The following ZBBX variants were observed in gnomAD, a reference collection of about 807,000 sequenced individuals.
ZBBX encodes the protein zinc finger B-box domain containing, also known as zinc finger B-box domain-containing protein 1.
Under a neutral mutation model 108.5 loss-of-function variants are expected in ZBBX, and 101 were observed. The observed-to-expected ratio is 0.93, with a 90% CI of 0.79 to 1.10. The LOEUF (loss-of-function observed/expected upper bound fraction) is 1.10. Ranked by LOEUF, ZBBX falls within the 50% of genes least tolerant of loss-of-function variation. The probability of loss-of-function intolerance (pLI) is 0.00; values close to 1 mark genes in which losing one functional copy is unlikely to be tolerated. For synonymous variants in ZBBX, 356 were observed against 323.4 expected (o/e 1.10, Z -1.08); for missense variants, 1,009 against 941.4 (o/e 1.07, Z -0.94).
At chr3:167,249,782 TG>T (rs1163245797) in intron 20 of ZBBX, among the ~76,000 whole-genome samples, 4 of 152,172 alleles carry the variant, frequency 2.6e-5, no homozygotes, top group Non-Finnish European at 5.9e-5. Flanking sequence ...CGGAGAGATT[TG>T]GGGATAAGCT....
the ZBBX span, among the ~76,000 whole-genome samples, chr3:167,228,983 C>T: frequency 6.6e-6 from 1 of 151,786 alleles, no homozygotes; most frequent in Non-Finnish European, 1.5e-5. Context: ...TTGCTTCCTG[C>T]TCCTATAGAA....
intron 1 of ZBBX, among the ~76,000 whole-genome samples, chr3:167,401,037 C>A (rs561815023): frequency 6.6e-6 from 1 of 152,106 alleles, no homozygotes; most frequent in South Asian, 2.1e-4. Context: ...TTTCACAACA[C>A]AATCTACCAC....
intron 8 of ZBBX, among the ~76,000 whole-genome samples, chr3:167,353,873 C>T (rs5011700): frequency 0.83 from 125,267 of 151,782 alleles, 51,815 homozygotes; most frequent in East Asian, 0.93. Flanking sequence ...AAGCTTAAAC[C>T]CTTAACCACA....
chr3:167,247,428 C>T (rs1339167871), intron 20 of ZBBX, among the ~76,000 whole-genome samples: 1 of 152,166 alleles, frequency 6.6e-6, no homozygotes, highest in Non-Finnish European at 1.5e-5. Flanking sequence ...CGGAGAGCTA[C>T]TTCCACTCAA....
intron 21 of ZBBX, 77 bp downstream of exon 21, chr3:167,242,428 A>G: frequency 8.2e-7 from 1 of 1,220,584 alleles, no homozygotes; most frequent in Non-Finnish European, 1.1e-6. Flanking sequence ...TTCTATATAT[A>G]ATAAAGATAA....
At chr3:167,267,421 C>T (rs940859547) in intron 20 of ZBBX, among the ~76,000 whole-genome samples, 1 of 152,056 alleles carries the variant, frequency 6.6e-6, no homozygotes, top group Admixed American at 6.6e-5. Context: ...TAACTAGGAC[C>T]CAACATGGGA....
intron 20 of ZBBX, chr3:167,248,692 C>A (rs1424534029): frequency 4.4e-6 from 2 of 456,316 alleles, no homozygotes; most frequent in Admixed American, 2.4e-5. Flanking sequence ...AGCCAGGCAA[C>A]AGGTATAATG....
chr3:167,332,595 A>G (rs978823064), intron 10 of ZBBX, among the ~76,000 whole-genome samples: 1 of 152,170 alleles, frequency 6.6e-6, no homozygotes. Context: ...GGGTAATAAA[A>G]GCACAAACCT....
At chr3:167,179,850 G>C in the ZBBX span, among the ~76,000 whole-genome samples, 4 of 152,192 alleles carry the variant, frequency 2.6e-5, no homozygotes, top group Admixed American at 6.5e-5. Flanking sequence ...AACTGAAACA[G>C]TTTCATTTTA....
At position 167,240,736 on chromosome 3, in the gene ZBBX, C is replaced by G; in HGVS notation, c.*57G>C. 1 of 1,573,758 alleles carries G rather than the reference C, an allele frequency of 6.4e-7. No homozygotes were observed. Among genetic ancestry groups the G allele is most frequent in the Middle Eastern group, 1.7e-4 (1 of 5,832 alleles). Reference sequence around the variant, plus strand: ...GATAGGTAATCACTTGGTTACTTTTCTCAGTTGTTTGCTTTACTCTGGGTA... The same window carrying G: ...GATAGGTAATCACTTGGTTACTTTTGTCAGTTGTTTGCTTTACTCTGGGTA... On this transcript the variant is annotated 3_prime_UTR_variant, in exon 22 of 22. Coordinates refer to ENST00000675490, the MANE Select transcript of ZBBX (RefSeq NM_001199201.2).
intron 16 of ZBBX, among the ~76,000 whole-genome samples, chr3:167,313,209 T>C (rs1734885935): frequency 6.6e-6 from 1 of 152,170 alleles, no homozygotes; most frequent in South Asian, 2.1e-4. Flanking sequence ...GAACACAGCA[T>C]TCTAATCTAC....
chr3:167,188,734 T>C, the ZBBX span, among the ~76,000 whole-genome samples: 1 of 152,238 alleles, frequency 6.6e-6, no homozygotes, highest in Non-Finnish European at 1.5e-5. Flanking sequence ...TACTGCCAGT[T>C]GCTTTAGTTA....
intron 8 of ZBBX, among the ~76,000 whole-genome samples, chr3:167,351,156 A>T (rs1043922276): frequency 6.6e-6 from 1 of 152,148 alleles, no homozygotes; most frequent in African/African-American, 2.4e-5. Context: ...TTAATAACTG[A>T]TAAAATGATT....
chr3:167,189,789 T>C, the ZBBX span, among the ~76,000 whole-genome samples: 47 of 152,320 alleles, frequency 3.1e-4, no homozygotes, highest in Admixed American at 2.9e-3. Flanking sequence ...TGCACTGATA[T>C]ATTATTATCA....
At chr3:167,255,075 G>A (rs1723268533) in intron 20 of ZBBX, among the ~76,000 whole-genome samples, 1 of 151,826 alleles carries the variant, frequency 6.6e-6, no homozygotes, top group Admixed American at 6.6e-5. Context: ...AAATGTAGCA[G>A]GTATTCTCAA....
chr3:167,301,415 C>T (rs756454345), intron 17 of ZBBX, among the ~76,000 whole-genome samples: 5 of 152,192 alleles, frequency 3.3e-5, no homozygotes, highest in Non-Finnish European at 5.9e-5. Context: ...TTTCCTTATC[C>T]TCTCCTACTG....
At chr3:167,197,394 C>A in the ZBBX span, among the ~76,000 whole-genome samples, 1 of 151,830 alleles carries the variant, frequency 6.6e-6, no homozygotes, top group African/African-American at 2.4e-5. Flanking sequence ...AAAAATTAGC[C>A]GGGTGTGGTG....
At chr3:167,377,196 T>A (rs951797265) in intron 2 of ZBBX, among the ~76,000 whole-genome samples, 5 of 152,162 alleles carry the variant, frequency 3.3e-5, no homozygotes, top group Admixed American at 1.3e-4. Flanking sequence ...CTTCTACACA[T>A]GTTCCTATTT....
At chr3:167,271,844 C>A (rs528701023) in intron 20 of ZBBX, among the ~76,000 whole-genome samples, 23 of 152,322 alleles carry the variant, frequency 1.5e-4, no homozygotes, top group Admixed American at 1.0e-3. Flanking sequence ...ACCTCACTCA[C>A]TGGATCGAAG....
Sources: gnomAD v4.1 joint callset for allele counts (sites outside exome capture counted in the v4.1 genomes callset) on GRCh38, gnomAD v4.1.1 for gene constraint, MANE v1.5 for transcripts, NCBI Gene and HGNC (gene_info 2026-07-23, HGNC 2026-07-21) for gene names.